Variants in SND1 observed in about 807,000 individuals in gnomAD.
SND1 encodes staphylococcal nuclease and tudor domain containing 1.
A neutral mutation model predicts 121.7 loss-of-function variants in SND1; 38 were observed. The ratio of observed to expected loss-of-function variants is 0.31; its 90% CI spans 0.24 to 0.41. The LOEUF (loss-of-function observed/expected upper bound fraction) is 0.41, where lower values mean the gene tolerates loss of function less well. Ranked by LOEUF, SND1 falls within the 10% of genes least tolerant of loss-of-function variation. The pLI, the probability that SND1 is intolerant of heterozygous loss-of-function variation, is 1.00. For missense variants in SND1, 868 were observed against 1,184.6 expected (o/e 0.73, Z 3.92); for synonymous variants, 401 against 447.4 (o/e 0.90, Z 1.31).
intron 10 of SND1, among the ~76,000 whole-genome samples, chr7:127,744,184 A>G (rs1206613985): frequency 1.3e-5 from 2 of 152,158 alleles, no homozygotes; most frequent in Non-Finnish European, 2.9e-5. Context: ...GAAGATCTAT[A>G]TTTATAATTA....
chr7:127,968,720 T>G (rs763173101), intron 15 of SND1, among the ~76,000 whole-genome samples: 16 of 152,214 alleles, frequency 1.1e-4, no homozygotes, highest in Non-Finnish European at 2.4e-4. Context: ...AGCCAGTTCC[T>G]TTTCTGGCTT....
chr7:127,739,616 C>T (rs1796839943), intron 10 of SND1, among the ~76,000 whole-genome samples: 2 of 152,170 alleles, frequency 1.3e-5, no homozygotes, highest in African/African-American at 4.8e-5. Flanking sequence ...GAGAGTGTAA[C>T]TCATTTTAGG....
intron 15 of SND1, among the ~76,000 whole-genome samples, chr7:127,988,161 T>C (rs1291067437): frequency 6.6e-6 from 1 of 152,206 alleles, no homozygotes; most frequent in Non-Finnish European, 1.5e-5. Flanking sequence ...AACGCCCATC[T>C]ACAGTATCTT....
intron 16 of SND1, among the ~76,000 whole-genome samples, chr7:128,004,431 T>C (rs1197681595): frequency 1.3e-5 from 2 of 152,208 alleles, no homozygotes; most frequent in Non-Finnish European, 2.9e-5. Context: ...TGAATAATTA[T>C]GCCCAGTTGG....
intron 16 of SND1, among the ~76,000 whole-genome samples, chr7:128,038,122 A>G (rs1448150406): frequency 6.6e-6 from 1 of 152,242 alleles, no homozygotes; most frequent in Admixed American, 6.5e-5. Flanking sequence ...TCATTAATCC[A>G]TGCCTATGCT....
In SND1 at chr7:127,825,958, G is replaced by A. The variant is rs1480794526; in HGVS notation, c.1243-18366G>A. Among the ~76,000 whole-genome samples the A allele has an allele frequency of 2.6e-5, 4 of 152,074 alleles. No homozygotes were observed. In the South Asian group the frequency reaches 6.2e-4, roughly 24 times the overall value. ...TGTAATCCCAGCACTTTGGGAAGCC[G>A]AGGCGGTGGATCACCTGAGGTCAGG... On this transcript the variant is annotated intron_variant, in intron 11 of 23. Transcript: ENST00000354725.
chr7:128,041,310 A>AG (rs1562879435), intron 16 of SND1, among the ~76,000 whole-genome samples: 1 of 152,178 alleles, frequency 6.6e-6, no homozygotes, highest in Admixed American at 6.5e-5. Flanking sequence ...TAAGAGGTGG[A>AG]GGGCAGCGCA....
At chr7:127,982,095 T>C (rs1802274974) in intron 15 of SND1, among the ~76,000 whole-genome samples, 1 of 152,162 alleles carries the variant, frequency 6.6e-6, no homozygotes, top group Admixed American at 6.5e-5. Context: ...GATCTACCAT[T>C]AACAGGCGAA....
At chr7:127,886,024 G>C (rs957689256) in intron 12 of SND1, among the ~76,000 whole-genome samples, 1 of 152,148 alleles carries the variant, frequency 6.6e-6, no homozygotes, top group South Asian at 2.1e-4. Flanking sequence ...ATCTACATCT[G>C]CTGATTTGAG....
intron 11 of SND1, among the ~76,000 whole-genome samples, chr7:127,835,899 C>A (rs1187309649): frequency 6.6e-6 from 1 of 152,152 alleles, no homozygotes; most frequent in Admixed American, 6.5e-5. Flanking sequence ...AGTATATTTT[C>A]AGATCATTTT....
intron 10 of SND1, among the ~76,000 whole-genome samples, chr7:127,758,057 C>T (rs983538992): frequency 6.6e-6 from 1 of 152,174 alleles, no homozygotes; most frequent in South Asian, 2.1e-4. Flanking sequence ...TACTAGGTTT[C>T]CTTGTAAGGC....
At chr7:127,987,485 T>A (rs980531821) in intron 15 of SND1, among the ~76,000 whole-genome samples, 1 of 152,184 alleles carries the variant, frequency 6.6e-6, no homozygotes, top group Non-Finnish European at 1.5e-5. Flanking sequence ...GACAACTGAC[T>A]TTTTGGCTCA....
At chr7:127,871,812 A>G (rs993661255) in intron 12 of SND1, among the ~76,000 whole-genome samples, 1 of 152,134 alleles carries the variant, frequency 6.6e-6, no homozygotes, top group African/African-American at 2.4e-5. Context: ...CTACGTGACT[A>G]TTAATAAGTA....
At chr7:128,034,725 A>G (rs983498676) in intron 16 of SND1, among the ~76,000 whole-genome samples, 6 of 152,182 alleles carry the variant, frequency 3.9e-5, no homozygotes, top group African/African-American at 9.6e-5. Context: ...CGAGCTCTAC[A>G]TCAGGCTGCT....
chr7:127,732,624 A>G (rs748501762), intron 10 of SND1, among the ~76,000 whole-genome samples: 1 of 152,250 alleles, frequency 6.6e-6, no homozygotes, highest in Non-Finnish European at 1.5e-5. Flanking sequence ...AACATGGACA[A>G]CAACGAAACT....
intron 4 of SND1, among the ~76,000 whole-genome samples, chr7:127,699,805 T>C (rs6467140): frequency 0.31 from 47,717 of 152,054 alleles, 8,117 homozygotes; most frequent in African/African-American, 0.45. Flanking sequence ...CTTATATGAC[T>C]GTCATAGCTG....
In SND1 at chr7:127,931,127, C is replaced by G. The variant is rs560692013; in HGVS notation, c.1669+1798C>G. Among the ~76,000 whole-genome samples the G allele has an allele frequency of 3.3e-5, 5 of 152,176 alleles. No individual in the cohort carries two copies. The South Asian group carries it at 1.0e-3, about 32-fold the overall frequency. ...TCCACCCATTGAATGATAAGAAAAC[C>G]AAACAAAGCTTGGTGCAGTGGTGCA... On this transcript the variant is annotated intron_variant, in intron 15 of 23. Transcript: ENST00000354725.
At position 128,012,758 on chromosome 7, in the gene SND1, G is replaced by T. The variant is rs148047523; in HGVS notation, c.1779+21702G>T. On this transcript the variant is annotated intron_variant, in intron 16 of 23. Coordinates refer to ENST00000354725, the MANE Select transcript of SND1 (RefSeq NM_014390.4). ...ATTTACATACCACATCCTTGCTCAG[G>T]ACCCTAGCTGAGCACCTTTTCATTC... Among the ~76,000 whole-genome samples the T allele has an allele frequency of 9.1e-4, 139 of 152,284 alleles. 1 individual carries two copies. The highest frequency in any genetic ancestry group is 3.4e-3 in the Middle Eastern group (1 of 294).
chr7:127,691,598 AT>A (rs1795917015), intron 2 of SND1, among the ~76,000 whole-genome samples: 1 of 152,094 alleles, frequency 6.6e-6, no homozygotes, highest in East Asian at 1.9e-4. Context: ...AAATAAAAAA[AT>A]AAATATTTTG....
Sources: gnomAD v4.1 joint callset for allele counts (sites outside exome capture counted in the v4.1 genomes callset) on GRCh38, gnomAD v4.1.1 for gene constraint, MANE v1.5 for transcripts, NCBI Gene and HGNC (gene_info 2026-07-23, HGNC 2026-07-21) for gene names.